Variants in HECTD4 observed in about 807,000 individuals in gnomAD.
The protein encoded by HECTD4 is HECT domain E3 ubiquitin protein ligase 4, also known as probable E3 ubiquitin-protein ligase HECTD4.
HECTD4 carries 114 observed loss-of-function variants against 471.5 expected under a neutral mutation model. The ratio of observed to expected loss-of-function variants is 0.24; its 90% CI spans 0.21 to 0.28. The LOEUF (loss-of-function observed/expected upper bound fraction) is 0.28. Ranked by LOEUF, HECTD4 falls within the 10% of genes least tolerant of loss-of-function variation. The pLI is 1.00. For missense variants in HECTD4, 3,866 were observed against 5,651.5 expected (o/e 0.68, Z 10.13); for synonymous variants, 2,012 against 2,256.0 (o/e 0.89, Z 3.07).
intron 8 of HECTD4, among the ~76,000 whole-genome samples, chr12:112,282,879 T>C (rs2034674295): frequency 6.6e-6 from 1 of 152,220 alleles, no homozygotes; most frequent in African/African-American, 2.4e-5. Flanking sequence ...GATAAGGTGT[T>C]TACAGTTTAA....
intron 1 of HECTD4, among the ~76,000 whole-genome samples, chr12:112,375,914 CAAAAAA>C (rs755533332): frequency 2.9e-5 from 3 of 105,134 alleles, no homozygotes; most frequent in Non-Finnish European, 6.2e-5. Flanking sequence ...ACTAAAAATA[CAAAAAA>C]AAAAAAAAAA....
chr12:112,373,747 A>G (rs1480531803), intron 1 of HECTD4, among the ~76,000 whole-genome samples: 1 of 151,786 alleles, frequency 6.6e-6, no homozygotes, highest in African/African-American at 2.4e-5. Flanking sequence ...GCTCACACAT[A>G]TAATCCCAGC....
chr12:112,224,596 A>G (rs916908936), intron 44 of HECTD4, among the ~76,000 whole-genome samples: 6 of 152,160 alleles, frequency 3.9e-5, no homozygotes, highest in African/African-American at 1.4e-4. Flanking sequence ...ATAGGATACT[A>G]TTTAGAATAC....
chr12:112,182,136 A>G (rs2031696040), intron 62 of HECTD4, among the ~76,000 whole-genome samples: 1 of 151,866 alleles, frequency 6.6e-6, no homozygotes, highest in African/African-American at 2.4e-5. Context: ...AACATAGAAC[A>G]ACATAGCAAC....
At chr12:112,195,189 C>T (rs1236863331) in intron 55 of HECTD4, 123 bp from the exon 56 acceptor site, 14 of 780,190 alleles carry the variant, frequency 1.8e-5, no homozygotes, top group Non-Finnish European at 2.8e-5. Context: ...GCCTGATGTT[C>T]CAAACCCTAA....
At chr12:112,232,822 A>G (rs1236415149) in intron 38 of HECTD4, among the ~76,000 whole-genome samples, 182 bp downstream of exon 38, 1 of 152,242 alleles carries the variant, frequency 6.6e-6, no homozygotes, top group Non-Finnish European at 1.5e-5. Context: ...TGATTTTGAC[A>G]AACTGACTTT....
rs547140821 is a variant in HECTD4 at position 112,277,458 on chromosome 12, A to G, written c.1687+1770T>C. On this transcript the variant is annotated intron_variant, in intron 9 of 75. Coordinates refer to ENST00000682272, the MANE Select transcript of HECTD4 (RefSeq NM_001388303.1). ...GATAAAACAACTTGGAACCAATAAA[A>G]AAGAGCTGGGTCTGGTGTCAAGAGA... is the stretch of plus-strand genomic sequence containing the variant. Among the ~76,000 whole-genome samples the G allele has an allele frequency of 2.6e-5, 4 of 152,328 alleles. No homozygotes were observed. The East Asian group carries it at 7.7e-4, about 29-fold the overall frequency.
chr12:112,309,704 T>G (rs1302229774), intron 4 of HECTD4, 35 bp from the exon 5 acceptor site: 2 of 983,846 alleles, frequency 2.0e-6, no homozygotes, highest in Non-Finnish European at 3.0e-6. Context: ...ATTATATATA[T>G]GTTTTTTCTA....
chr12:112,287,632 A>G (rs1280203622), intron 7 of HECTD4, among the ~76,000 whole-genome samples: 3 of 152,166 alleles, frequency 2.0e-5, no homozygotes, highest in Non-Finnish European at 2.9e-5. Context: ...AAGGTAAAAA[A>G]GAGTTATAGG....
At chr12:112,249,285 C>T (rs772145500) in intron 25 of HECTD4, among the ~76,000 whole-genome samples, 14 of 149,426 alleles carry the variant, frequency 9.4e-5, no homozygotes, top group South Asian at 2.1e-4. Context: ...AACTAGGAGA[C>T]AGAGGTTGTA....
intron 7 of HECTD4, among the ~76,000 whole-genome samples, chr12:112,298,185 A>T (rs376185683): frequency 2.1e-4 from 32 of 152,328 alleles, no homozygotes; most frequent in African/African-American, 7.5e-4. Context: ...CCAAAAAAAT[A>T]GAGTGCCTTG....
chr12:112,162,874 C>T lies in HECTD4; in HGVS notation c.13120+168G>A. 1.6e-6 allele frequency: 1 copy of T among 610,650 alleles called. No homozygotes were observed. The highest frequency in any genetic ancestry group is 2.9e-6 in the Non-Finnish European group (1 of 345,002). 37.8% of individuals were successfully genotyped at this position (610,650 alleles called of 1,614,324 possible). ...ATATGAGAAAGTATCTAACAGCAGG[C>T]CTGTATGGCTGGTTCCTGCCGGGCC... On this transcript the variant is annotated intron_variant, in intron 75 of 75. Transcript: ENST00000682272. This position sits in a 1 kb window ranked among gnomAD's most constrained non-coding sequence, Gnocchi z 5.2.
chr12:112,344,596 T>C (rs2036112716), intron 1 of HECTD4, among the ~76,000 whole-genome samples: 1 of 152,108 alleles, frequency 6.6e-6, no homozygotes, highest in Non-Finnish European at 1.5e-5. Flanking sequence ...CTTGAGTTTT[T>C]CCTATCACAT....
intron 7 of HECTD4, among the ~76,000 whole-genome samples, chr12:112,293,949 G>C (rs1291270071): frequency 1.3e-5 from 2 of 152,090 alleles, no homozygotes; most frequent in Non-Finnish European, 2.9e-5. Flanking sequence ...ACCCAGGCTG[G>C]AGTGCAGTGG....
intron 59 of HECTD4, 50 bp from the exon 60 acceptor site, chr12:112,191,015 A>C (rs760373896): frequency 6.8e-7 from 1 of 1,468,324 alleles, no homozygotes; most frequent in South Asian, 1.3e-5. Flanking sequence ...CACCTGACCC[A>C]AATAAGCCTC....
Position 112,233,088 on chromosome 12 carries a change from G to A in HECTD4, c.5916-3C>T. On this transcript the variant is annotated splice_region_variant and splice_polypyrimidine_tract_variant and intron_variant, in intron 37 of 75. Coordinates refer to ENST00000682272, the MANE Select transcript of HECTD4 (RefSeq NM_001388303.1). ...GGAAGGGCCGTCCTTCTGAACTACT[G>A]AAAAAAGGCAGGCAGAGAACACAGC... is the stretch of plus-strand genomic sequence containing the variant. 6 of 1,603,356 alleles carry A rather than the reference G, an allele frequency of 3.7e-6. No homozygotes were observed. The highest frequency in any genetic ancestry group is 5.1e-6 in the Non-Finnish European group (6 of 1,174,946).
rs187439305 is a variant in HECTD4 at position 112,378,311 on chromosome 12, C to T, written c.177+3641G>A. Among the ~76,000 whole-genome samples, 32 of 152,178 alleles carry T rather than the reference C, an allele frequency of 2.1e-4. No homozygotes were observed. In the East Asian group the frequency reaches 5.4e-3, roughly 26 times the overall value. ...TCAGCTCACTGCAAGCTCCGCCTCC[C>T]GGGTTCACACCATTCTCCTGCCTCA... On this transcript the variant is annotated intron_variant, in intron 1 of 75. Coordinates refer to ENST00000682272, the MANE Select transcript of HECTD4 (RefSeq NM_001388303.1).
chr12:112,377,542 T>C (rs150451766), intron 1 of HECTD4, among the ~76,000 whole-genome samples: 148 of 152,316 alleles, frequency 9.7e-4, no homozygotes, highest in African/African-American at 3.3e-3. Flanking sequence ...GATTAAACAT[T>C]ATTTATTGCT....
intron 48 of HECTD4, among the ~76,000 whole-genome samples, chr12:112,215,307 C>T (rs1291967915): frequency 1.3e-5 from 2 of 152,162 alleles, no homozygotes; most frequent in East Asian, 3.8e-4. Context: ...CTTCATATTC[C>T]CCATCTCATC....
Sources: allele counts gnomAD v4.1 joint callset (sites outside exome capture counted in the v4.1 genomes callset), GRCh38; gene constraint gnomAD v4.1.1; non-coding constraint Gnocchi (gnomAD v3.1); transcripts MANE v1.5; gene names NCBI Gene and HGNC (gene_info 2026-07-23, HGNC 2026-07-21).